NSUN6: variants seen among roughly 807,000 people sequenced by gnomAD.
The protein encoded by NSUN6 is NOP2/Sun RNA methyltransferase 6.
A neutral mutation model predicts 58.0 loss-of-function variants in NSUN6; 64 were observed. The ratio of observed to expected loss-of-function variants is 1.10; its 90% CI spans 0.90 to 1.36. The LOEUF is 1.36. Ranked by LOEUF, NSUN6 falls within the 40% of genes most tolerant of loss-of-function variation. The pLI is 0.00. For missense variants in NSUN6, 701 were observed against 550.1 expected, an observed-to-expected ratio of 1.27 and a Z score of -2.74; for synonymous variants, 231 against 193.9, an observed-to-expected ratio of 1.19 and a Z score of -1.59.
At chr10:18,604,837 G>C (rs1238863827) in intron 6 of NSUN6, among the ~76,000 whole-genome samples, 2 of 151,386 alleles carry the variant, frequency 1.3e-5, no homozygotes, top group Non-Finnish European at 2.9e-5. Flanking sequence ...AGTGAGCCGA[G>C]ATCGTGACAC....
chr10:18,545,830 A>G lies in NSUN6; in HGVS notation c.*103T>C. Reference sequence around the variant, plus strand: ...GGCAGCCTTTTCTGTTTCCATAGCAACCACATCATCATTCAGTTGGCCTGA... The same window carrying G: ...GGCAGCCTTTTCTGTTTCCATAGCAGCCACATCATCATTCAGTTGGCCTGA... On this transcript the variant is annotated 3_prime_UTR_variant, in exon 11 of 11. Transcript: ENST00000377304. 1 of 726,704 alleles carries G rather than the reference A, an allele frequency of 1.4e-6. No individual in the cohort carries two copies. The highest frequency in any genetic ancestry group is 1.6e-5 in the South Asian group (1 of 62,862). 45.0% of individuals were successfully genotyped at this position (726,704 alleles called of 1,614,324 possible).
chr10:18,547,732 G>C (rs1201829556), intron 10 of NSUN6, among the ~76,000 whole-genome samples: 1 of 152,028 alleles, frequency 6.6e-6, no homozygotes, highest in Non-Finnish European at 1.5e-5. Context: ...AAGCTCATTT[G>C]AGCTTTGATG....
At chr10:18,548,653 T>C (rs2054430638) in intron 9 of NSUN6, among the ~76,000 whole-genome samples, 1 of 152,204 alleles carries the variant, frequency 6.6e-6, no homozygotes, top group Non-Finnish European at 1.5e-5. Flanking sequence ...TGCCCAGTCT[T>C]GTCTTACACT....
At chr10:18,591,738 G>C (rs957869132) in intron 7 of NSUN6, among the ~76,000 whole-genome samples, 1 of 152,078 alleles carries the variant, frequency 6.6e-6, no homozygotes. Context: ...AGAGCTATTT[G>C]TGACAAACCC....
intron 2 of NSUN6, among the ~76,000 whole-genome samples, chr10:18,644,229 T>G (rs1372705634): frequency 6.6e-6 from 1 of 152,164 alleles, no homozygotes; most frequent in Non-Finnish European, 1.5e-5. Context: ...TCTGGACATT[T>G]CACATAAATG....
upstream of NSUN6, among the ~76,000 whole-genome samples, chr10:18,653,934 C>G (rs2059749177): frequency 6.6e-6 from 1 of 152,162 alleles, no homozygotes; most frequent in Admixed American, 6.5e-5. Context: ...ATTTTTGATA[C>G]AATCTCACTC....
intron 7 of NSUN6, among the ~76,000 whole-genome samples, chr10:18,595,407 G>C (rs925285568): frequency 4.6e-5 from 7 of 152,110 alleles, no homozygotes; most frequent in African/African-American, 1.4e-4. Flanking sequence ...TAATTTAATG[G>C]AGAATTAACA....
intron 8 of NSUN6, among the ~76,000 whole-genome samples, chr10:18,564,887 CCATTT>C (rs2055809060): frequency 6.6e-6 from 1 of 150,998 alleles, no homozygotes; most frequent in Non-Finnish European, 1.5e-5. Context: ...CCATTCCATT[CCATTT>C]CATTGCATTC....
upstream of NSUN6, chr10:18,655,161 T>C (rs1564858110): frequency 1.5e-5 from 15 of 983,036 alleles, no homozygotes; most frequent in Middle Eastern, 5.2e-4. Context: ...TTTATCTTGC[T>C]CGTATCCTTC....
At position 18,627,068 on chromosome 10, in the gene NSUN6, A is replaced by G. The variant is rs780468583; in HGVS notation, c.312-10775T>C. Among the ~76,000 whole-genome samples, 5 of 152,342 alleles carry G rather than the reference A, an allele frequency of 3.3e-5. No homozygotes were observed. The South Asian group carries it at 1.0e-3, about 32-fold the overall frequency. On this transcript the variant is annotated intron_variant, in intron 3 of 10. Coordinates refer to ENST00000377304, the MANE Select transcript of NSUN6 (RefSeq NM_182543.5). Reference sequence around the variant, plus strand: ...GTTGAGATGTTTTAAAGGCTCTTTTATCAAGACAAGTCTGGCATTCAGTTT... The same window carrying G: ...GTTGAGATGTTTTAAAGGCTCTTTTGTCAAGACAAGTCTGGCATTCAGTTT...
chr10:18,649,594 C>T (rs962997701), intron 1 of NSUN6, among the ~76,000 whole-genome samples: 1 of 149,264 alleles, frequency 6.7e-6, no homozygotes, highest in Non-Finnish European at 1.5e-5. Flanking sequence ...TGTCACTGCA[C>T]TCCAACATGG....
intron 8 of NSUN6, among the ~76,000 whole-genome samples, chr10:18,569,382 A>C (rs1482275706): frequency 5.9e-5 from 8 of 135,796 alleles, no homozygotes; most frequent in Admixed American, 5.2e-4. Flanking sequence ...ATTCTCTTCC[A>C]TTTTCCATTC....
intron 5 of NSUN6, among the ~76,000 whole-genome samples, chr10:18,612,403 C>T (rs1380941444): frequency 6.6e-5 from 10 of 152,076 alleles, no homozygotes; most frequent in Non-Finnish European, 1.2e-4. Context: ...AATGACAGAG[C>T]GAGACCCTAT....
At chr10:18,620,022 A>G (rs1209103922) in intron 3 of NSUN6, among the ~76,000 whole-genome samples, 1 of 152,136 alleles carries the variant, frequency 6.6e-6, no homozygotes, top group African/African-American at 2.4e-5. Context: ...ATGATCTCCA[A>G]GCAGTTTGGA....
At chr10:18,584,077 C>A (rs568404402) in intron 8 of NSUN6, among the ~76,000 whole-genome samples, 1 of 152,142 alleles carries the variant, frequency 6.6e-6, no homozygotes, top group African/African-American at 2.4e-5. Flanking sequence ...TACTGGCCAG[C>A]GAACTTTCAC....
At position 18,559,874 on chromosome 10, in the gene NSUN6, G is replaced by A. The variant is rs145938758; in HGVS notation, c.923-7903C>T. 3.9e-3 allele frequency among the ~76,000 whole-genome samples: 590 copies of A among 150,106 alleles called. 5 individuals are homozygous for A. The highest frequency in any genetic ancestry group is 0.013 in the African/African-American group (539 of 40,954). ...GGAATGCAGTGGGGATTTGAATGCG[G>A]AATGGAATGCAATGGAAAGGGGAAT... On this transcript the variant is annotated intron_variant, in intron 8 of 10. Coordinates refer to ENST00000377304, the MANE Select transcript of NSUN6 (RefSeq NM_182543.5).
chr10:18,585,010 AG>A lies in NSUN6; in HGVS notation c.922+938del, dbSNP rs200931638. On this transcript the variant is annotated intron_variant, in intron 8 of 10. Transcript: ENST00000377304. ...ATAGAGACCTATTAAAAAAAAAAAA[AG>A]AGAGAGAAGGACCTAACAGACATAC... is the stretch of plus-strand genomic sequence containing the variant. Among the ~76,000 whole-genome samples the A allele has an allele frequency of 3.9e-3, 551 of 139,894 alleles. 4 individuals are homozygous for A. The highest frequency in any genetic ancestry group is 0.014 in the African/African-American group (498 of 36,466). The allele number at this position is 139,894 out of a possible 152,430, so 91.8% of individuals were successfully genotyped here.
At chr10:18,614,269 T>A (rs2058334216) in intron 5 of NSUN6, among the ~76,000 whole-genome samples, 191 bp downstream of exon 5, 1 of 152,024 alleles carries the variant, frequency 6.6e-6, no homozygotes, top group African/African-American at 2.4e-5. Flanking sequence ...TTAATGAGGC[T>A]CTTTAATTTG....
intron 5 of NSUN6, among the ~76,000 whole-genome samples, chr10:18,612,404 G>A (rs960809964): frequency 2.6e-5 from 4 of 152,122 alleles, no homozygotes; most frequent in South Asian, 2.1e-4. Context: ...ATGACAGAGC[G>A]AGACCCTATT....
Sources: allele counts gnomAD v4.1 joint callset (sites outside exome capture counted in the v4.1 genomes callset), GRCh38; gene constraint gnomAD v4.1.1; transcripts MANE v1.5; gene names NCBI Gene and HGNC (gene_info 2026-07-23, HGNC 2026-07-21).